Variants in RBFOX1 observed in about 807,000 individuals in gnomAD.
The protein encoded by RBFOX1 is RNA binding protein fox-1 homolog 1.
RBFOX1 carries 8 observed loss-of-function variants against 57.7 expected under a neutral mutation model. The observed-to-expected ratio is 0.14, with a 90% confidence interval of 0.08 to 0.25. RBFOX1 has a LOEUF of 0.25. RBFOX1 is among the 10% of genes least tolerant of loss of function. RBFOX1 has a pLI of 1.00. For synonymous variants in RBFOX1, 326 were observed against 222.4 expected (o/e 1.47, Z -4.15); for missense variants, 611 against 548.5 (o/e 1.11, Z -1.14).
chr16:7,402,445 T>G (rs1460267485), intron 4 of RBFOX1, among the ~76,000 whole-genome samples: 1 of 152,220 alleles, frequency 6.6e-6, no homozygotes, highest in East Asian at 1.9e-4. Context: ...TCACAAATAA[T>G]AGTATCCCAT....
Position 6,668,965 on chromosome 16 carries a change from T to C in RBFOX1, c.-16+14315T>C, listed in dbSNP as rs1308914783. On this transcript the variant is annotated intron_variant, in intron 3 of 15. Transcript: ENST00000550418. Reference sequence around the variant, plus strand: ...ATGGCAGTGGCTTTTTTGTGATGAGTGGAGTGAACGTTAATTAATTTTTCT... The same window carrying C: ...ATGGCAGTGGCTTTTTTGTGATGAGCGGAGTGAACGTTAATTAATTTTTCT... Among the ~76,000 whole-genome samples, 4 of 152,168 alleles carry C rather than the reference T, an allele frequency of 2.6e-5. No homozygotes were observed. In the East Asian group the frequency reaches 7.7e-4, roughly 29 times the overall value.
chr16:6,980,841 A>G (rs1331798524), intron 3 of RBFOX1, among the ~76,000 whole-genome samples: 2 of 152,026 alleles, frequency 1.3e-5, no homozygotes, highest in South Asian at 2.1e-4. Flanking sequence ...TCAGGAGTTC[A>G]AAACCAGTCT....
chr16:7,659,407 G>C (rs1021151010), intron 12 of RBFOX1, among the ~76,000 whole-genome samples: 1 of 152,090 alleles, frequency 6.6e-6, no homozygotes, highest in African/African-American at 2.4e-5. Flanking sequence ...GCAACCTGTA[G>C]TATCTGATGC....
At chr16:7,343,791 T>A (rs1196119097) in intron 4 of RBFOX1, among the ~76,000 whole-genome samples, 1 of 152,142 alleles carries the variant, frequency 6.6e-6, no homozygotes, top group African/African-American at 2.4e-5. Context: ...GGACCTTGGA[T>A]GCCATTTGCT....
intron 4 of RBFOX1, among the ~76,000 whole-genome samples, chr16:7,226,841 G>C (rs893159404): frequency 2.6e-5 from 4 of 152,182 alleles, no homozygotes; most frequent in African/African-American, 7.2e-5. Flanking sequence ...ATGTAAGTCA[G>C]AGATTGCCAA....
intron 4 of RBFOX1, among the ~76,000 whole-genome samples, chr16:7,354,133 G>A (rs921907739): frequency 7.2e-5 from 11 of 151,968 alleles, no homozygotes; most frequent in South Asian, 2.1e-4. Context: ...ACCACGCCCA[G>A]CTAATTTTTG....
chr16:6,018,991 G>T, upstream of RBFOX1: 2 of 748,194 alleles, frequency 2.7e-6, no homozygotes, highest in Non-Finnish European at 3.3e-6. Flanking sequence ...GCGCTGGCGA[G>T]GGGAAGGGGG....
chr16:6,481,323 T>A (rs1409855976), intron 2 of RBFOX1, among the ~76,000 whole-genome samples: 2 of 152,226 alleles, frequency 1.3e-5, no homozygotes, highest in South Asian at 2.1e-4. Context: ...CTGTTTGCTG[T>A]GCCCCTTGCA....
chr16:6,964,127 C>T (rs927078880), intron 3 of RBFOX1, among the ~76,000 whole-genome samples: 13 of 152,128 alleles, frequency 8.5e-5, no homozygotes, highest in Non-Finnish European at 1.3e-4. Context: ...AAGCGATTCT[C>T]CTGCCTCAGC....
At chr16:7,504,090 C>A (rs1379657769) in intron 4 of RBFOX1, among the ~76,000 whole-genome samples, 3 of 152,110 alleles carry the variant, frequency 2.0e-5, no homozygotes, top group African/African-American at 7.2e-5. Flanking sequence ...ACAATAATGG[C>A]AGTCATAGGC....
At chr16:6,865,977 G>A (rs561569796) in intron 3 of RBFOX1, among the ~76,000 whole-genome samples, 3 of 151,968 alleles carry the variant, frequency 2.0e-5, no homozygotes, top group Admixed American at 1.3e-4. Context: ...GAAATGCATT[G>A]AAAAAAACAA....
At chr16:7,218,434 A>G (rs187469495) in intron 4 of RBFOX1, among the ~76,000 whole-genome samples, 3 of 152,320 alleles carry the variant, frequency 2.0e-5, no homozygotes, top group Admixed American at 2.0e-4. Flanking sequence ...TGAGAGATTT[A>G]AAGCCATATT....
rs558496300 is a variant in RBFOX1 at position 5,674,681 on chromosome 16, G to A, written c.318+75720G>A. ...AATTATTTTTGCACCAACCTAATAC[G>A]TGGCGAATGCATGGACGTTGGAGAA... On this transcript the variant is annotated intron_variant, in intron 3 of 19. Coordinates refer to the RBFOX1 transcript ENST00000641259. Among the ~76,000 whole-genome samples the A allele has an allele frequency of 9.2e-5, 14 of 152,290 alleles. No individual in the cohort carries two copies. In the South Asian group the frequency reaches 1.0e-3, roughly 11 times the overall value.
At chr16:7,020,759 A>G (rs1186855528) in intron 3 of RBFOX1, among the ~76,000 whole-genome samples, 1 of 152,042 alleles carries the variant, frequency 6.6e-6, no homozygotes, top group Non-Finnish European at 1.5e-5. Context: ...GCTCAGTGAA[A>G]TCCCTGCATT....
intron 3 of RBFOX1, among the ~76,000 whole-genome samples, chr16:6,949,991 G>C (rs568466515): frequency 1.3e-5 from 2 of 151,490 alleles, no homozygotes; most frequent in East Asian, 3.9e-4. Flanking sequence ...CTGTTGCCCA[G>C]GCTGGAGTGC....
In RBFOX1 at chr16:7,111,734, T is replaced by C. The variant is rs183629591; in HGVS notation, c.27+59636T>C. ...CTGAAAGGACCTGGTCTTTATAAAA[T>C]TATTCTGATTGTTATTTTGTACTTT... On this transcript the variant is annotated intron_variant, in intron 4 of 15. Transcript: ENST00000550418. 1.1e-3 allele frequency among the ~76,000 whole-genome samples: 158 copies of C among 150,086 alleles called. 2 individuals carry two copies. The highest frequency in any genetic ancestry group is 2.1e-4 in the Non-Finnish European group (14 of 67,882).
At chr16:7,087,806 T>C (rs1318986574) in intron 4 of RBFOX1, among the ~76,000 whole-genome samples, 1 of 152,140 alleles carries the variant, frequency 6.6e-6, no homozygotes, top group Admixed American at 6.5e-5. Flanking sequence ...TAAGGAGACT[T>C]CTGTTTGCTG....
chr16:6,675,820 A>T (rs1358267350), intron 3 of RBFOX1, among the ~76,000 whole-genome samples: 1 of 152,106 alleles, frequency 6.6e-6, no homozygotes, highest in Non-Finnish European at 1.5e-5. Context: ...ATTATCTCCC[A>T]CCAGGCCCCT....
chr16:5,844,484 C>T (rs1253326582), intron 3 of RBFOX1, among the ~76,000 whole-genome samples: 1 of 152,184 alleles, frequency 6.6e-6, no homozygotes, highest in Admixed American at 6.5e-5. Context: ...TCATCCCTGA[C>T]ATCTGATAAA....
Sources: allele counts gnomAD v4.1 joint callset (sites outside exome capture counted in the v4.1 genomes callset), GRCh38; gene constraint gnomAD v4.1.1; transcripts MANE v1.5; gene names NCBI Gene and HGNC (gene_info 2026-07-23, HGNC 2026-07-21).